HIBCH: variants seen among roughly 807,000 people sequenced by gnomAD.
HIBCH encodes 3-hydroxyisobutyryl-CoA hydrolase, also known as 3-hydroxyisobutyryl-CoA hydrolase, mitochondrial.
Under a neutral mutation model 58.2 loss-of-function variants are expected in HIBCH, and 50 were observed. The ratio of observed to expected loss-of-function variants is 0.86; its 90% CI spans 0.68 to 1.09. The LOEUF (loss-of-function observed/expected upper bound fraction) is 1.09. Ranked by LOEUF, HIBCH falls within the 50% of genes least tolerant of loss-of-function variation. The pLI is 0.00. For missense variants in HIBCH, 450 were observed against 449.7 expected (o/e 1.00, Z -0.01); for synonymous variants, 151 against 146.9 (o/e 1.03, Z -0.20).
intron 2 of HIBCH, among the ~76,000 whole-genome samples, chr2:190,301,992 C>T (rs1379563897): frequency 6.6e-6 from 1 of 152,204 alleles, no homozygotes; most frequent in Non-Finnish European, 1.5e-5. Context: ...GGGACACATA[C>T]ATTCAAACCA....
chr2:190,223,847 T>C (rs1559018466), intron 11 of HIBCH, among the ~76,000 whole-genome samples: 1 of 152,224 alleles, frequency 6.6e-6, no homozygotes, highest in East Asian at 1.9e-4. Flanking sequence ...GTGAGCAATG[T>C]GGAAGATGGG....
chr2:190,296,677 C>G, intron 3 of HIBCH, 136 bp downstream of exon 3: 1 of 817,206 alleles, frequency 1.2e-6, no homozygotes. Context: ...AGCACTGAAA[C>G]CTCAAGAATT....
chr2:190,194,479 C>CAT (rs1248635717), intron 1 of HIBCH, among the ~76,000 whole-genome samples: 1 of 52,862 alleles, frequency 1.9e-5, no homozygotes, highest in Non-Finnish European at 3.3e-5. Flanking sequence ...CCTGTGTATA[C>CAT]ACACACACAC....
At chr2:190,246,657 T>C (rs1168277091) in intron 9 of HIBCH, among the ~76,000 whole-genome samples, 1 of 152,144 alleles carries the variant, frequency 6.6e-6, no homozygotes, top group Admixed American at 6.6e-5. Context: ...AACTGAATAA[T>C]TAGGTTTCTG....
intron 3 of HIBCH, 69 bp downstream of exon 3, chr2:190,296,744 T>C: frequency 1.5e-6 from 2 of 1,375,238 alleles, no homozygotes; most frequent in Non-Finnish European, 2.1e-6. Flanking sequence ...TGGGAGAAAA[T>C]ACCAGAAATG....
downstream of HIBCH, chr2:190,199,753 G>T: frequency 6.6e-7 from 1 of 1,524,496 alleles, no homozygotes; most frequent in Non-Finnish European, 8.8e-7. Context: ...AAGTGCCCTG[G>T]AGAGGGAAAG....
chr2:190,255,986 G>C (rs1461265527), intron 7 of HIBCH, among the ~76,000 whole-genome samples: 1 of 152,102 alleles, frequency 6.6e-6, no homozygotes, highest in African/African-American at 2.4e-5. Context: ...TACGATCATG[G>C]CAGAAGGCAA....
intron 1 of HIBCH, among the ~76,000 whole-genome samples, chr2:190,196,457 T>C (rs1689980616): frequency 6.6e-6 from 1 of 152,038 alleles, no homozygotes; most frequent in African/African-American, 2.4e-5. Context: ...TCCTTTATTT[T>C]CTTGGGTATA....
chr2:190,253,530 A>C (rs754139609), intron 7 of HIBCH, among the ~76,000 whole-genome samples: 2 of 152,102 alleles, frequency 1.3e-5, no homozygotes, highest in Non-Finnish European at 2.9e-5. Context: ...ACCTCAATAA[A>C]GGGTGCACGT....
At chr2:190,193,203 T>C (rs1689799780) in intron 1 of HIBCH, among the ~76,000 whole-genome samples, 1 of 152,038 alleles carries the variant, frequency 6.6e-6, no homozygotes, top group Non-Finnish European at 1.5e-5. Flanking sequence ...TTTTTCTGTT[T>C]CTACTGAGGT....
chr2:190,239,475 G>T (rs781602242), intron 11 of HIBCH, among the ~76,000 whole-genome samples: 1 of 151,684 alleles, frequency 6.6e-6, no homozygotes, highest in East Asian at 1.9e-4. Context: ...ATATGAAATT[G>T]TTTTTTCTAG....
At chr2:190,288,754 G>C (rs1687891169) in intron 5 of HIBCH, among the ~76,000 whole-genome samples, 2 of 152,204 alleles carry the variant, frequency 1.3e-5, no homozygotes, top group South Asian at 4.1e-4. Flanking sequence ...AAAAGCAGCG[G>C]CCTCTATTTG....
rs942490779 is a variant in HIBCH, at chr2:190,214,181, G to C, written c.892-1106C>G. On this transcript the variant is annotated intron_variant, in intron 11 of 13. Transcript: ENST00000359678. The surrounding 1 kb of genome is among the most constrained non-coding windows in gnomAD (Gnocchi z 5.5). ...TCAGGAGACAGCGGAGGTGACACAA[G>C]GAGAAAAGCAGGCACCATGGCAACC... 1.3e-5 allele frequency: 2 copies of C among 152,252 alleles called. No homozygotes were observed. Among genetic ancestry groups the C allele is most frequent in the African/African-American group, 4.8e-5 (2 of 41,430 alleles). The allele number at this position is 152,252 out of a possible 1,614,324, so 9.4% of individuals were successfully genotyped here. A position where few individuals can be genotyped will look rare whatever the true frequency, so the allele number is the denominator to read the frequency against.
At chr2:190,275,562 G>A (rs1687525319) in intron 6 of HIBCH, among the ~76,000 whole-genome samples, 1 of 152,182 alleles carries the variant, frequency 6.6e-6, no homozygotes. Flanking sequence ...TATGAATTAC[G>A]CTAAAATTGA....
chr2:190,290,566 T>A, intron 4 of HIBCH, 81 bp from the exon 5 acceptor site: 1 of 915,644 alleles, frequency 1.1e-6, no homozygotes, highest in Non-Finnish European at 1.7e-6. Context: ...TTATGAAAAT[T>A]AAATACTGGG....
chr2:190,206,765 AAC>A lies in HIBCH; in HGVS notation c.1046-1535_1046-1534del, dbSNP rs1690400309. Reference sequence around the variant, plus strand: ...AAACATTTGACTATGTAAAGAACACAACAGTTTTCAATCTCAGAACAGACGCT... The same window carrying A: ...AAACATTTGACTATGTAAAGAACACAAGTTTTCAATCTCAGAACAGACGCT... On this transcript the variant is annotated intron_variant, in intron 13 of 13. Coordinates refer to ENST00000359678, the MANE Select transcript of HIBCH (RefSeq NM_014362.4). The surrounding 1 kb of genome is among the most constrained non-coding windows in gnomAD (Gnocchi z 5.1). Among the ~76,000 whole-genome samples, 1 of 152,230 alleles carries A rather than the reference AAC, an allele frequency of 6.6e-6. No homozygotes were observed. The highest frequency in any genetic ancestry group is 1.5e-5 in the Non-Finnish European group (1 of 68,036).
intron 6 of HIBCH, among the ~76,000 whole-genome samples, chr2:190,283,913 T>C (rs1181001262): frequency 6.6e-6 from 1 of 152,200 alleles, no homozygotes; most frequent in Non-Finnish European, 1.5e-5. Context: ...AGCTAATTTA[T>C]TACATTCAAG....
At chr2:190,205,789 TCTC>T (rs1320625278) in intron 13 of HIBCH, among the ~76,000 whole-genome samples, 1 of 152,082 alleles carries the variant, frequency 6.6e-6, no homozygotes, top group African/African-American at 2.4e-5. Context: ...ACCGTCTAGT[TCTC>T]CTATTTCAGT....
chr2:190,289,457 C>A (rs984424698), intron 5 of HIBCH, among the ~76,000 whole-genome samples: 1 of 151,984 alleles, frequency 6.6e-6, no homozygotes. Context: ...CAAATATGGT[C>A]TAGGAGAATA....
Sources: gnomAD v4.1 joint callset for allele counts (sites outside exome capture counted in the v4.1 genomes callset) on GRCh38, gnomAD v4.1.1 for gene constraint, Gnocchi (gnomAD v3.1) non-coding constraint, MANE v1.5 for transcripts, NCBI Gene and HGNC (gene_info 2026-07-23, HGNC 2026-07-21) for gene names.